Variants in CNP observed in about 807,000 individuals in gnomAD.
The protein encoded by CNP is 2',3'-cyclic nucleotide 3' phosphodiesterase.
CNP carries 8 observed loss-of-function variants against 37.9 expected under a neutral mutation model. The ratio of observed to expected loss-of-function variants is 0.21; its 90% CI spans 0.12 to 0.38. The LOEUF is 0.38. CNP is among the 10% of genes least tolerant of loss of function. The pLI is 1.00. For missense variants in CNP, 457 were observed against 551.0 expected, an observed-to-expected ratio of 0.83 and a Z score of 1.71; for synonymous variants, 237 against 238.3, an observed-to-expected ratio of 0.99 and a Z score of 0.05.
rs2051035167 is a variant in CNP at position 41,974,001 on chromosome 17, G to T, written c.*77G>T. ...GCCCTCTGTTTGATCCTTGTTTTGT[G>T]ACATTTTTTTTTTTTTTTTTTTTAC... On this transcript the variant is annotated 3_prime_UTR_variant, in exon 4 of 4. Coordinates refer to ENST00000393892, the MANE Select transcript of CNP (RefSeq NM_033133.5). 20 of 1,062,130 alleles carry T rather than the reference G, an allele frequency of 1.9e-5. No individual in the cohort carries two copies. The highest frequency in any genetic ancestry group is 3.2e-5 in the South Asian group (1 of 31,658). The allele number at this position is 1,062,130 out of a possible 1,614,324, so 65.8% of individuals were successfully genotyped here. A position where few individuals can be genotyped will look rare whatever the true frequency, so the allele number is the denominator to read the frequency against.
Position 41,973,819 on chromosome 17 carries a change from C to T in CNP, c.1161C>T (p.Asn387=). The change falls in exon 4 of 4, where the codon AAC becomes AAT. Residue 387 remains asparagine, a synonymous_variant. Transcript: ENST00000393892. ...GCTGGATGCTGACCCTGGCCAAGAA[C>T]ATGGAGGTCAGGGCCATCTTCACGG... is the stretch of plus-strand genomic sequence containing the variant. The part of the protein sequence containing the change: ...NGRWMLTLAK[N]MEVRAIFTGY... 6.2e-6 allele frequency: 10 copies of T among 1,612,108 alleles called. No homozygotes were observed. The highest frequency in any genetic ancestry group is 8.5e-6 in the Non-Finnish European group (10 of 1,179,014).
Position 41,968,453 on chromosome 17 carries a change from G to A in CNP, c.389G>A (p.Arg130Gln). 2 of 1,614,124 alleles carry A rather than the reference G, an allele frequency of 1.2e-6. No homozygotes were observed. The highest frequency in any genetic ancestry group is 1.7e-6 in the Non-Finnish European group (2 of 1,180,034). Residue 130 changes from arginine (R) to glutamine (Q), a missense_variant, in exon 2 of 4, where the codon CGG (arginine) becomes CAG (glutamine). This residue lies in a region of CNP where 166 missense variants were observed against 259.3 expected (regional missense o/e 0.64). Coordinates refer to ENST00000393892, the MANE Select transcript of CNP (RefSeq NM_033133.5). This position sits in a 1 kb window ranked among gnomAD's most constrained non-coding sequence, Gnocchi z 4.8. Reference protein sequence around the residue: ...VLDDTNHERERLEQLFEMADQ... With the variant: ...VLDDTNHEREQLEQLFEMADQ... ...GATGACACCAACCACGAACGGGAAC[G>A]GCTGGAGCAGCTCTTTGAAATGGCC...
intron 1 of CNP, 102 bp downstream of exon 1, chr17:41,966,989 C>T: frequency 8.2e-7 from 1 of 1,220,954 alleles, no homozygotes; most frequent in Non-Finnish European, 1.0e-6. Flanking sequence ...ACCCGGGGCT[C>T]CGGGTTCGAC....
In CNP at chr17:41,973,689, C is replaced by T. The variant is rs534388905; in HGVS notation, c.1031C>T (p.Thr344Met). The T allele has an allele frequency of 3.8e-5, 61 of 1,613,566 alleles. 1 individual carries two copies. In the Middle Eastern group the frequency reaches 2.5e-3, roughly 65 times the overall value. The stretch of plus-strand genomic sequence containing the variant: ...GCAGCTGACGTAGAGGCCGTGCAGA[C>T]GGGCCTTGACCTCTTAGAGATTCTG... Reference protein sequence around the residue: ...GCAADVEAVQTGLDLLEILRQ... With the variant: ...GCAADVEAVQMGLDLLEILRQ... The change falls in exon 4 of 4, where the codon ACG becomes ATG. Residue 344 changes from threonine to methionine, a missense_variant. Physicochemically the swap from Thr to Met is moderately conservative, Grantham distance 81 (BLOSUM62 -1). Transcript: ENST00000393892.
chr17:41,972,137 G>T (rs2050999495), intron 3 of CNP, 106 bp downstream of exon 3: 7 of 1,388,470 alleles, frequency 5.0e-6, no homozygotes, highest in Non-Finnish European at 6.9e-6. Flanking sequence ...CCAAAAACCA[G>T]ATGGCAGCTC....
chr17:41,967,872 TAGG>T, intron 1 of CNP, 193 bp from the exon 2 acceptor site: 1 of 1,420,972 alleles, frequency 7.0e-7, no homozygotes, highest in Non-Finnish European at 9.2e-7. Context: ...AGCGCACGCT[TAGG>T]AGAGCTTCAG....
In CNP at chr17:41,977,060, G is replaced by T; in HGVS notation, c.*3136G>T. The stretch of plus-strand genomic sequence containing the variant: ...TCCCTGACCCTGCAGAGATGCGGTG[G>T]CTAAAGGTCCCAAGGCAAGGGGTGC... On this transcript the variant is annotated 3_prime_UTR_variant, in exon 4 of 4. Coordinates refer to ENST00000393892, the MANE Select transcript of CNP (RefSeq NM_033133.5). 1 of 662,248 alleles carries T rather than the reference G, an allele frequency of 1.5e-6. No individual in the cohort carries two copies. Among genetic ancestry groups the T allele is most frequent in the Non-Finnish European group, 2.6e-6 (1 of 389,018 alleles). The allele number at this position is 662,248 out of a possible 1,614,324, so 41.0% of individuals were successfully genotyped here.
In CNP at chr17:41,976,977, T is replaced by A. The variant is rs994644315; in HGVS notation, c.*3053T>A. 3.0e-6 allele frequency: 2 copies of A among 657,590 alleles called. No individual in the cohort carries two copies. Among genetic ancestry groups the A allele is most frequent in the Admixed American group, 5.9e-5 (2 of 33,708 alleles). The allele number at this position is 657,590 out of a possible 1,614,324, so 40.7% of individuals were successfully genotyped here. A position where few individuals can be genotyped will look rare whatever the true frequency, so the allele number is the denominator to read the frequency against. On this transcript the variant is annotated 3_prime_UTR_variant, in exon 4 of 4. Transcript: ENST00000393892. Reference sequence around the variant, plus strand: ...TGGGTAGCTTCTGACCTCAGCATTATCTATATAGTACCTTTGCTCTTGCAG... The same window carrying A: ...TGGGTAGCTTCTGACCTCAGCATTAACTATATAGTACCTTTGCTCTTGCAG...
intron 1 of CNP, 178 bp from the exon 2 acceptor site, chr17:41,967,890 G>C: frequency 7.0e-7 from 1 of 1,430,674 alleles, no homozygotes; most frequent in Non-Finnish European, 9.1e-7. Context: ...CTTCAGACAA[G>C]CTTCCCTCTT....
At chr17:41,966,941 G>T (rs1255924029) in intron 1 of CNP, 54 bp downstream of exon 1, 7 of 1,286,004 alleles carry the variant, frequency 5.4e-6, no homozygotes, top group Middle Eastern at 2.1e-4. Context: ...GGAAACGAGT[G>T]TCGGGGCCCC....
chr17:41,972,631 G>A (rs536425094), intron 3 of CNP, among the ~76,000 whole-genome samples: 1 of 152,254 alleles, frequency 6.6e-6, no homozygotes, highest in South Asian at 2.1e-4. Context: ...CCACTTCTCT[G>A]CCTAGGTTAG....
Position 41,976,627 on chromosome 17 carries a change from C to T in CNP, c.*2703C>T. 2 of 1,469,732 alleles carry T rather than the reference C, an allele frequency of 1.4e-6. No homozygotes were observed. Among genetic ancestry groups the T allele is most frequent in the Non-Finnish European group, 1.8e-6 (2 of 1,082,558 alleles). The allele number at this position is 1,469,732 out of a possible 1,614,324, so 91.0% of individuals were successfully genotyped here. A position where few individuals can be genotyped will look rare whatever the true frequency, so the allele number is the denominator to read the frequency against. The stretch of plus-strand genomic sequence containing the variant: ...GCATCCAACTGAGAAAACGAAACTG[C>T]TCTAAGCACACGGAGACGTGATGAA... On this transcript the variant is annotated 3_prime_UTR_variant, in exon 4 of 4. Coordinates refer to ENST00000393892, the MANE Select transcript of CNP (RefSeq NM_033133.5).
chr17:41,971,831 G>A (rs1236451314), intron 2 of CNP, 61 bp from the exon 3 acceptor site: 1 of 1,601,062 alleles, frequency 6.2e-7, no homozygotes, highest in South Asian at 1.1e-5. Context: ...GGTGGTCCTG[G>A]TGGCGGATGT....
intron 3 of CNP, among the ~76,000 whole-genome samples, chr17:41,973,205 G>A (rs1355676604): frequency 6.6e-6 from 1 of 152,208 alleles, no homozygotes; most frequent in African/African-American, 2.4e-5. Context: ...GGAAGCCAGT[G>A]TGCAGGGAGC....
Position 41,975,742 on chromosome 17 carries a change from G to A in CNP, c.*1818G>A, listed in dbSNP as rs568547133. 7.9e-5 allele frequency: 12 copies of A among 152,306 alleles called. No homozygotes were observed. Among genetic ancestry groups the A allele is most frequent in the Admixed American group, 6.5e-4 (10 of 15,308 alleles). 9.4% of individuals were successfully genotyped at this position (152,306 alleles called of 1,614,324 possible). ...GAGCTCAGATGAAGAGAAATCCTAA[G>A]TTACCTTTCTAGGTCAAGGCCTGTC... On this transcript the variant is annotated 3_prime_UTR_variant, in exon 4 of 4. Transcript: ENST00000393892.
At chr17:41,971,397 CTTTT>C (rs567987798) in intron 2 of CNP, 8 of 139,020 alleles carry the variant, frequency 5.8e-5, no homozygotes, top group Admixed American at 7.3e-5. Flanking sequence ...AGAATTTTAA[CTTTT>C]TTTTTTTTTT....
intron 1 of CNP, 100 bp downstream of exon 1, chr17:41,966,987 C>T (rs1027030844): frequency 2.4e-6 from 3 of 1,229,128 alleles, no homozygotes; most frequent in Non-Finnish European, 3.1e-6. Flanking sequence ...GGACCCGGGG[C>T]TCCGGGTTCG....
In CNP at chr17:41,973,730, G is replaced by A. The variant is rs782687743; in HGVS notation, c.1072G>A (p.Gly358Ser). The A allele has an allele frequency of 1.2e-6, 2 of 1,611,630 alleles. No individual in the cohort carries two copies. Among genetic ancestry groups the A allele is most frequent in the East Asian group, 2.2e-5 (1 of 44,830 alleles). The change falls in exon 4 of 4, where the codon GGC becomes AGC. Residue 358 changes from glycine (G) to serine (S), a missense_variant. This residue lies in a region of CNP where 291 missense variants were observed against 291.7 expected (regional missense o/e 1.00). Transcript: ENST00000393892. Reference sequence around the variant, plus strand: ...AGAGATTCTGCGGCAGGAGAAGGGGGGCAGCCGAGGCGAGGAGGTGGGCGA... The same window carrying A: ...AGAGATTCTGCGGCAGGAGAAGGGGAGCAGCCGAGGCGAGGAGGTGGGCGA... ...LLEILRQEKG[G>S]SRGEEVGELS...
At chr17:41,969,064 G>A (rs2050946540) in intron 2 of CNP, among the ~76,000 whole-genome samples, 1 of 152,168 alleles carries the variant, frequency 6.6e-6, no homozygotes, top group Non-Finnish European at 1.5e-5. Context: ...AATTACTGTA[G>A]TAACAGGAAA....
Sources: allele counts gnomAD v4.1 joint callset (sites outside exome capture counted in the v4.1 genomes callset), GRCh38; gene constraint gnomAD v4.1.1; regional missense constraint gnomAD v4.1.1; non-coding constraint Gnocchi (gnomAD v3.1); transcripts MANE v1.5; gene names NCBI Gene and HGNC (gene_info 2026-07-23, HGNC 2026-07-21).